Variants in LRP8 observed in about 807,000 individuals in gnomAD.
LRP8 encodes the protein low-density lipoprotein receptor-related protein 8.
LRP8 carries 46 observed loss-of-function variants against 111.6 expected under a neutral mutation model. The ratio of observed to expected loss-of-function variants is 0.41; its 90% confidence interval spans 0.33 to 0.53. LRP8 has a LOEUF of 0.53. Among genes scored for constraint, LRP8 ranks in the 20% least tolerant of loss-of-function variants. The pLI, the probability that LRP8 is intolerant of heterozygous loss-of-function variation, is 0.20. For missense variants in LRP8, 959 were observed against 1,297.4 expected, an observed-to-expected ratio of 0.74 and a Z score of 4.01; for synonymous variants, 464 against 511.2, an observed-to-expected ratio of 0.91 and a Z score of 1.24.
In LRP8 at chr1:53,280,636, G is replaced by A. The variant is rs144153773; in HGVS notation, c.447C>T (p.Asp149=). 28 of 1,613,316 alleles carry A rather than the reference G, an allele frequency of 1.7e-5. No individual in the cohort carries two copies. The highest frequency in any genetic ancestry group is 2.2e-5 in the East Asian group (1 of 44,896). The change falls in exon 4 of 19, where the codon GAC becomes GAT. Residue 149 remains aspartate (D), a synonymous_variant. Transcript: ENST00000306052. ...HKCVPASWRC[D]GEKDCEGGAD... ...CTCCACCCTCGCAGTCCTTCTCCCC[G>A]TCGCAGCGCCACGAGGCAGGTACAC...
In LRP8 at chr1:53,249,076, C is replaced by T. The variant is rs927117039; in HGVS notation, c.2853+304G>A. Among the ~76,000 whole-genome samples the T allele has an allele frequency of 5.9e-5, 9 of 152,108 alleles. No individual in the cohort carries two copies. The East Asian group carries it at 1.5e-3, about 26-fold the overall frequency. On this transcript the variant is annotated intron_variant, in intron 18 of 18. Transcript: ENST00000306052. The surrounding 1 kb of genome is among the most constrained non-coding windows in gnomAD (Gnocchi z 4.1). ...CAAGCAACTATTTTTTTGGACTGGCCGAGGTTAAGGATCCTCAAGGCCATC... is the reference window on the plus strand; with the variant it reads ...CAAGCAACTATTTTTTTGGACTGGCTGAGGTTAAGGATCCTCAAGGCCATC...
At position 53,289,707 on chromosome 1, in the gene LRP8, G is replaced by C. The variant is rs1648286378; in HGVS notation, c.245-18C>G. ...CTTCTTGGCTGCAGGGCAAGGAAGA[G>C]AGCGTGGTGAGCCTGGGAGCAGTCA... is the stretch of plus-strand genomic sequence containing the variant. On this transcript the variant is annotated intron_variant, in intron 2 of 18. Transcript: ENST00000306052. The C allele has an allele frequency of 6.2e-7, 1 of 1,613,080 alleles. No homozygotes were observed. Among genetic ancestry groups the C allele is most frequent in the Non-Finnish European group, 8.5e-7 (1 of 1,179,428 alleles).
intron 3 of LRP8, among the ~76,000 whole-genome samples, chr1:53,287,547 C>T (rs1647753564): frequency 6.6e-6 from 1 of 152,216 alleles, no homozygotes. Context: ...AGCTGGGCTT[C>T]TGTCTCCTGG....
intron 2 of LRP8, among the ~76,000 whole-genome samples, chr1:53,321,624 C>G (rs74083933): frequency 1.3e-5 from 2 of 152,180 alleles, no homozygotes; most frequent in African/African-American, 4.8e-5. Context: ...GTTGTCAAGT[C>G]GGCCACCAGC....
intron 2 of LRP8, among the ~76,000 whole-genome samples, chr1:53,312,873 T>C (rs1653263457): frequency 6.6e-6 from 1 of 152,158 alleles, no homozygotes; most frequent in Non-Finnish European, 1.5e-5. Flanking sequence ...CGAGGAGCCG[T>C]GTTCAATTTA....
chr1:53,314,074 G>A (rs908440866), intron 2 of LRP8, among the ~76,000 whole-genome samples: 2 of 152,150 alleles, frequency 1.3e-5, no homozygotes, highest in African/African-American at 2.4e-5. Flanking sequence ...GAGAGGGGTT[G>A]TGATGACTCC....
Position 53,249,280 on chromosome 1 carries a change from C to T in LRP8, c.2853+100G>A. ...GCCCCAACACCCAGCTTACAATTTG[C>T]AGCCTTCCCAAACCAGAAAGCCTTC... On this transcript the variant is annotated intron_variant, in intron 18 of 18. Coordinates refer to ENST00000306052, the MANE Select transcript of LRP8 (RefSeq NM_004631.5). This position sits in a 1 kb window ranked among gnomAD's most constrained non-coding sequence, Gnocchi z 4.1. 7.5e-7 allele frequency: 1 copy of T among 1,326,204 alleles called. No individual in the cohort carries two copies. Among genetic ancestry groups the T allele is most frequent in the Non-Finnish European group, 1.0e-6 (1 of 963,498 alleles). 82.2% of individuals were successfully genotyped at this position (1,326,204 alleles called of 1,614,324 possible).
At position 53,295,295 on chromosome 1, in the gene LRP8, T is replaced by A. The variant is rs1366206959; in HGVS notation, c.245-5606A>T. Among the ~76,000 whole-genome samples, 3 of 152,016 alleles carry A rather than the reference T, an allele frequency of 2.0e-5. No homozygotes were observed. The East Asian group carries it at 5.8e-4, about 29-fold the overall frequency. On this transcript the variant is annotated intron_variant, in intron 2 of 18. Coordinates refer to ENST00000306052, the MANE Select transcript of LRP8 (RefSeq NM_004631.5). The stretch of plus-strand genomic sequence containing the variant: ...GGAAGGATAATGGGGCTTAGGGGCA[T>A]GGAGGAGCGAGCAGAGTGACCATTA...
chr1:53,296,593 G>A (rs71579965), intron 2 of LRP8, among the ~76,000 whole-genome samples: 2,116 of 152,326 alleles, frequency 0.014, 21 homozygotes, highest in Non-Finnish European at 0.02. Flanking sequence ...GGGGCAGGGG[G>A]CGTGCCAGCC....
chr1:53,261,716 G>C (rs538909072), intron 12 of LRP8, among the ~76,000 whole-genome samples: 1 of 152,182 alleles, frequency 6.6e-6, no homozygotes, highest in East Asian at 1.9e-4. Flanking sequence ...ATGATTCTAA[G>C]GATATGTATG....
chr1:53,250,031 T>A lies in LRP8; in HGVS notation c.2677-475A>T, dbSNP rs1263775585. Among the ~76,000 whole-genome samples, 1 of 151,962 alleles carries A rather than the reference T, an allele frequency of 6.6e-6. No homozygotes were observed. Among genetic ancestry groups the A allele is most frequent in the African/African-American group, 2.4e-5 (1 of 41,364 alleles). ...GGCTGTGAGGTAGAGAGGCCCAGAG[T>A]ACTGTGGGAGAACAAAGCAAGCCAA... On this transcript the variant is annotated intron_variant, in intron 17 of 18. Coordinates refer to ENST00000306052, the MANE Select transcript of LRP8 (RefSeq NM_004631.5). This position sits in a 1 kb window ranked among gnomAD's most constrained non-coding sequence, Gnocchi z 4.6.
intron 18 of LRP8, among the ~76,000 whole-genome samples, chr1:53,247,474 A>G (rs1195095917): frequency 6.6e-6 from 1 of 152,234 alleles, no homozygotes; most frequent in Non-Finnish European, 1.5e-5. Context: ...TGTCTCTAGC[A>G]TGCTAATCAC....
At chr1:53,322,975 A>G (rs1654706705) in intron 2 of LRP8, among the ~76,000 whole-genome samples, 1 of 152,176 alleles carries the variant, frequency 6.6e-6, no homozygotes, top group Admixed American at 6.5e-5. Flanking sequence ...TGCTGGGATA[A>G]CAAAAGAGTC....
At chr1:53,276,150 A>G (rs1646909986) in intron 5 of LRP8, among the ~76,000 whole-genome samples, 1 of 151,106 alleles carries the variant, frequency 6.6e-6, no homozygotes, top group Non-Finnish European at 1.5e-5. Flanking sequence ...GGAGAGGTGG[A>G]GGTGGGGGTG....
intron 2 of LRP8, among the ~76,000 whole-genome samples, chr1:53,312,344 G>A (rs996436632): frequency 1.3e-5 from 2 of 152,192 alleles, no homozygotes; most frequent in Admixed American, 6.5e-5. Flanking sequence ...CCCAAAAGGT[G>A]AGGAAGAAAT....
intron 2 of LRP8, among the ~76,000 whole-genome samples, chr1:53,295,939 A>T (rs998180989): frequency 6.6e-6 from 1 of 152,200 alleles, no homozygotes; most frequent in Non-Finnish European, 1.5e-5. Context: ...GCCCGTGTTG[A>T]CACAGCAGCC....
intron 4 of LRP8, among the ~76,000 whole-genome samples, 191 bp downstream of exon 4, chr1:53,280,396 A>T (rs994778767): frequency 6.6e-6 from 1 of 152,160 alleles, no homozygotes. Context: ...GCTGCTCATG[A>T]GGTGCTTGTG....
Position 53,266,615 on chromosome 1 carries a change from G to T in LRP8, c.1285C>A (p.Arg429=), listed in dbSNP as rs75360028. 1 of 1,614,088 alleles carries T rather than the reference G, an allele frequency of 6.2e-7. No individual in the cohort carries two copies. Among genetic ancestry groups the T allele is most frequent in the South Asian group, 1.1e-5 (1 of 91,074 alleles). ...GKSPSLIFTN[R]HEVRRIDLVK... ...AGGTCGATCCTCCGCACCTCGTGCC[G>T]GTTGGTGAAGATTAGGGATGGGCTC... Residue 429 remains arginine, a synonymous_variant, in exon 9 of 19, where the codon CGG becomes AGG. Coordinates refer to ENST00000306052, the MANE Select transcript of LRP8 (RefSeq NM_004631.5). This position sits in a 1 kb window ranked among gnomAD's most constrained non-coding sequence, Gnocchi z 5.0.
chr1:53,261,866 G>C (rs1485864775), intron 12 of LRP8, among the ~76,000 whole-genome samples: 1 of 152,220 alleles, frequency 6.6e-6, no homozygotes, highest in Non-Finnish European at 1.5e-5. Context: ...CTTGGGAAGA[G>C]AGCGTGGGAA....
Sources: gnomAD v4.1 joint callset for allele counts (sites outside exome capture counted in the v4.1 genomes callset) on GRCh38, gnomAD v4.1.1 for gene constraint, Gnocchi (gnomAD v3.1) non-coding constraint, MANE v1.5 for transcripts, NCBI Gene and HGNC (gene_info 2026-07-23, HGNC 2026-07-21) for gene names.